SNAPC1: variants seen among roughly 807,000 people sequenced by gnomAD.
SNAPC1 encodes the protein small nuclear RNA activating complex polypeptide 1, also known as snRNA-activating protein complex subunit 1.
Under a neutral mutation model 50.1 loss-of-function variants are expected in SNAPC1, and 42 were observed. The ratio of observed to expected loss-of-function variants is 0.84; its 90% CI spans 0.65 to 1.08. The LOEUF (loss-of-function observed/expected upper bound fraction) is 1.08, where lower values mean the gene tolerates loss of function less well. Ranked by LOEUF, SNAPC1 falls within the 50% of genes least tolerant of loss-of-function variation. The pLI is 0.00. For missense variants in SNAPC1, 477 were observed against 427.3 expected (o/e 1.12, Z -1.02); for synonymous variants, 164 against 144.2 (o/e 1.14, Z -0.98).
chr14:61,784,004 A>C (rs1282018011), intron 8 of SNAPC1, among the ~76,000 whole-genome samples: 1 of 152,234 alleles, frequency 6.6e-6, no homozygotes, highest in Admixed American at 6.5e-5. Context: ...GGTATATATG[A>C]AGATAAGTTA....
intron 5 of SNAPC1, among the ~76,000 whole-genome samples, chr14:61,776,548 A>C (rs2045036712): frequency 6.6e-6 from 1 of 152,038 alleles, no homozygotes; most frequent in Non-Finnish European, 1.5e-5. Context: ...GGGGTTGCAC[A>C]CTCAGTCTTT....
chr14:61,775,413 A>G (rs754345765), intron 4 of SNAPC1, among the ~76,000 whole-genome samples: 3 of 150,848 alleles, frequency 2.0e-5, no homozygotes, highest in Non-Finnish European at 4.4e-5. Context: ...CCACCCCCAT[A>G]CCCGGCTAAT....
At chr14:61,774,756 C>T (rs1456790675) in intron 4 of SNAPC1, among the ~76,000 whole-genome samples, 3 of 150,842 alleles carry the variant, frequency 2.0e-5, no homozygotes, top group Non-Finnish European at 4.4e-5. Flanking sequence ...CTCTGCCTCC[C>T]AGGTTCCAGT....
rs1423499955 is a variant in SNAPC1 at position 61,795,991 on chromosome 14, G to C, written c.*1008G>C. The C allele has an allele frequency of 8.5e-5, 13 of 152,206 alleles. No homozygotes were observed. The East Asian group carries it at 2.3e-3, about 27-fold the overall frequency. The allele number at this position is 152,206 out of a possible 1,614,324, so 9.4% of individuals were successfully genotyped here. ...TTATAGGTGTGAGCTACTGTACCCA[G>C]CCTTAACCTGTTTCACAGTTGATTA... is the stretch of plus-strand genomic sequence containing the variant. On this transcript the variant is annotated 3_prime_UTR_variant, in exon 10 of 10. Transcript: ENST00000216294.
intron 4 of SNAPC1, among the ~76,000 whole-genome samples, chr14:61,775,648 T>C (rs1340683208): frequency 6.6e-6 from 1 of 152,204 alleles, no homozygotes; most frequent in African/African-American, 2.4e-5. Flanking sequence ...TGTGGCAGGT[T>C]GGATGAGAGT....
At chr14:61,763,873 G>C (rs1241551219) in intron 1 of SNAPC1, among the ~76,000 whole-genome samples, 1 of 152,162 alleles carries the variant, frequency 6.6e-6, no homozygotes, top group Non-Finnish European at 1.5e-5. Context: ...CATAGTAGTT[G>C]TGAAGATTAA....
chr14:61,784,255 T>C (rs2045099048), intron 8 of SNAPC1, among the ~76,000 whole-genome samples: 1 of 152,204 alleles, frequency 6.6e-6, no homozygotes, highest in Non-Finnish European at 1.5e-5. Context: ...TAAACTCACT[T>C]ATGAGTATTA....
intron 8 of SNAPC1, among the ~76,000 whole-genome samples, chr14:61,788,245 C>T (rs1466672089): frequency 6.6e-6 from 1 of 152,192 alleles, no homozygotes; most frequent in Non-Finnish European, 1.5e-5. Flanking sequence ...CATGGCTTAA[C>T]TAATCCAGCT....
chr14:61,791,830 CAG>C (rs2045154324), intron 8 of SNAPC1, among the ~76,000 whole-genome samples: 1 of 151,744 alleles, frequency 6.6e-6, no homozygotes, highest in Non-Finnish European at 1.5e-5. Context: ...GCCTGGGCTA[CAG>C]AGAGACTCTG....
At chr14:61,789,246 A>AC (rs1594652473) in intron 8 of SNAPC1, among the ~76,000 whole-genome samples, 2 of 149,842 alleles carry the variant, frequency 1.3e-5, no homozygotes, top group African/African-American at 4.9e-5. Flanking sequence ...AAAAAAAAAA[A>AC]GGCTAGGGAA....
chr14:61,782,479 T>A, intron 8 of SNAPC1, 82 bp downstream of exon 8: 2 of 1,019,482 alleles, frequency 2.0e-6, no homozygotes, highest in Non-Finnish European at 2.8e-6. Flanking sequence ...ATTTCCTTGT[T>A]AAGAAGGATT....
intron 4 of SNAPC1, among the ~76,000 whole-genome samples, chr14:61,770,073 C>G (rs2044976627): frequency 6.6e-6 from 1 of 152,064 alleles, no homozygotes; most frequent in African/African-American, 2.4e-5. Flanking sequence ...GAGGTGATGC[C>G]TAAATAGTGC....
At chr14:61,772,596 C>T (rs747751238) in intron 4 of SNAPC1, among the ~76,000 whole-genome samples, 22 of 152,018 alleles carry the variant, frequency 1.4e-4, no homozygotes, top group Non-Finnish European at 2.4e-4. Flanking sequence ...TGCTATGTTG[C>T]CCAGGCAGGT....
At chr14:61,779,417 C>T (rs2045056049) in intron 7 of SNAPC1, among the ~76,000 whole-genome samples, 3 of 151,724 alleles carry the variant, frequency 2.0e-5, no homozygotes, top group Admixed American at 2.0e-4. Context: ...TTATTTTTCT[C>T]TTCTATTTCC....
rs369971847 is a variant in SNAPC1, at chr14:61,762,581, A to G, written c.121A>G (p.Ile41Val). ...CTGGAGAAACATGAAGTTCGGGACT[A>G]TCTTCTGGTGGGTGTTTCTTGTCCA... ...ELWRNMKFGT[I>V]FCGRMRNLEK... is the part of the protein sequence containing the mutation. The change falls in exon 1 of 10, where the codon ATC (isoleucine) becomes GTC (valine). Residue 41 changes from isoleucine to valine, a missense_variant. Coordinates refer to ENST00000216294, the MANE Select transcript of SNAPC1 (RefSeq NM_003082.4). The G allele has an allele frequency of 5.6e-6, 9 of 1,613,012 alleles. No homozygotes were observed. In the African/African-American group the frequency reaches 6.7e-5, roughly 12 times the overall value.
At chr14:61,766,187 C>T (rs2140173914) in intron 1 of SNAPC1, among the ~76,000 whole-genome samples, 1 of 152,180 alleles carries the variant, frequency 6.6e-6, no homozygotes, top group East Asian at 1.9e-4. Context: ...TAAATATTTG[C>T]CCTGGCGTGC....
intron 4 of SNAPC1, among the ~76,000 whole-genome samples, chr14:61,769,910 C>G (rs1222192107): frequency 6.6e-6 from 1 of 152,118 alleles, no homozygotes; most frequent in Non-Finnish European, 1.5e-5. Context: ...TATTCCAAAT[C>G]AATGATATTT....
chr14:61,762,541 G>A lies in SNAPC1; in HGVS notation c.81G>A (p.Glu27=), dbSNP rs775498003. Residue 27 remains glutamate (E), a synonymous_variant, in exon 1 of 10, where the codon GAG becomes GAA. Transcript: ENST00000216294. ...RFQETDSVRF[E]DFTELWRNMK... ...AGGAGACGGACAGTGTACGCTTCGA[G>A]GACTTCACGGAGCTCTGGAGAAACA... 2 of 1,563,380 alleles carry A rather than the reference G, an allele frequency of 1.3e-6. No individual in the cohort carries two copies. Among genetic ancestry groups the A allele is most frequent in the Non-Finnish European group, 1.7e-6 (2 of 1,157,374 alleles).
chr14:61,776,355 C>A, intron 5 of SNAPC1, 102 bp downstream of exon 5: 1 of 1,040,914 alleles, frequency 9.6e-7, no homozygotes, highest in Non-Finnish European at 1.4e-6. Context: ...GGCTGTAATC[C>A]TGTGGAGCTA....
Sources: gnomAD v4.1 joint callset for allele counts (sites outside exome capture counted in the v4.1 genomes callset) on GRCh38, gnomAD v4.1.1 for gene constraint, MANE v1.5 for transcripts, NCBI Gene and HGNC (gene_info 2026-07-23, HGNC 2026-07-21) for gene names.